ROR1: variants seen among roughly 807,000 people sequenced by gnomAD.
The protein encoded by ROR1 is inactive tyrosine-protein kinase transmembrane receptor ROR1.
In ROR1, 19 loss-of-function variants were observed where a neutral mutation model predicts 78.8. That is an observed-to-expected ratio of 0.24 (90% confidence interval 0.17 to 0.35). The LOEUF is 0.35. ROR1 is among the 10% of genes least tolerant of loss of function. The pLI is 1.00. For missense variants in ROR1, 917 were observed against 1,177.8 expected (o/e 0.78, Z 3.24); for synonymous variants, 386 against 433.6 (o/e 0.89, Z 1.36).
chr1:63,907,534 A>T (rs1375075157), intron 1 of ROR1, among the ~76,000 whole-genome samples: 1 of 152,230 alleles, frequency 6.6e-6, no homozygotes. Flanking sequence ...TGAGTAAGTC[A>T]GGCCATGTAG....
intron 1 of ROR1, among the ~76,000 whole-genome samples, chr1:63,922,265 C>T (rs855812): frequency 0.77 from 117,786 of 152,128 alleles, 45,990 homozygotes; most frequent in East Asian, 0.94. Flanking sequence ...GGAAGGTAGT[C>T]TGAATTATGA....
At chr1:63,992,936 T>G (rs779315439) in intron 1 of ROR1, among the ~76,000 whole-genome samples, 9 of 152,178 alleles carry the variant, frequency 5.9e-5, no homozygotes, top group African/African-American at 2.2e-4. Flanking sequence ...TAGGGTAGAT[T>G]CTGCATCTCT....
intron 4 of ROR1, among the ~76,000 whole-genome samples, chr1:64,115,429 T>C (rs1352085831): frequency 7.9e-5 from 12 of 151,904 alleles, no homozygotes; most frequent in Non-Finnish European, 1.8e-4. Flanking sequence ...GAGACAGGTC[T>C]TGTCTTATTG....
chr1:64,008,110 T>G (rs1646443990), intron 1 of ROR1, among the ~76,000 whole-genome samples: 1 of 152,160 alleles, frequency 6.6e-6, no homozygotes. Flanking sequence ...AGGTAGTTTT[T>G]CAACCCTTGC....
At chr1:64,112,828 A>G (rs1648162367) in intron 4 of ROR1, among the ~76,000 whole-genome samples, 1 of 152,156 alleles carries the variant, frequency 6.6e-6, no homozygotes, top group Non-Finnish European at 1.5e-5. Flanking sequence ...ACTGAAATTT[A>G]TCAGCCAACC....
intron 1 of ROR1, among the ~76,000 whole-genome samples, chr1:63,910,202 G>A (rs1474596935): frequency 6.6e-6 from 1 of 152,182 alleles, no homozygotes; most frequent in African/African-American, 2.4e-5. Flanking sequence ...TGATGAGGTG[G>A]TTGGTGAACT....
At chr1:63,780,335 G>C (rs948847801) in intron 1 of ROR1, among the ~76,000 whole-genome samples, 1 of 152,148 alleles carries the variant, frequency 6.6e-6, no homozygotes. Context: ...ATAGGGAATG[G>C]GGGTTTGAAT....
At chr1:63,873,105 G>A (rs1278801298) in intron 1 of ROR1, among the ~76,000 whole-genome samples, 1 of 151,942 alleles carries the variant, frequency 6.6e-6, no homozygotes, top group Non-Finnish European at 1.5e-5. Context: ...AATCGAGGTT[G>A]TAAGTGATGT....
At chr1:64,173,954 C>G (rs961506965) in intron 8 of ROR1, among the ~76,000 whole-genome samples, 1 of 152,136 alleles carries the variant, frequency 6.6e-6, no homozygotes, top group African/African-American at 2.4e-5. Context: ...AGCTCCAAAA[C>G]AAATTCCCTG....
At chr1:64,075,570 A>T (rs1298727531) in intron 4 of ROR1, among the ~76,000 whole-genome samples, 1 of 152,038 alleles carries the variant, frequency 6.6e-6, no homozygotes, top group Non-Finnish European at 1.5e-5. Flanking sequence ...TGTCCTATAC[A>T]TTTTCCCTGT....
At chr1:64,083,844 G>A (rs1647126918) in intron 4 of ROR1, among the ~76,000 whole-genome samples, 1 of 152,134 alleles carries the variant, frequency 6.6e-6, no homozygotes, top group African/African-American at 2.4e-5. Context: ...ATGAGATGGG[G>A]AAAATGTGTA....
chr1:63,849,121 G>A (rs562166376), intron 1 of ROR1, among the ~76,000 whole-genome samples: 2 of 152,246 alleles, frequency 1.3e-5, no homozygotes, highest in South Asian at 2.1e-4. Flanking sequence ...AAGTCTTTAC[G>A]GGTTTCTTTG....
intron 7 of ROR1, among the ~76,000 whole-genome samples, chr1:64,153,491 C>G (rs563531582): frequency 1.6e-4 from 25 of 152,266 alleles, no homozygotes; most frequent in African/African-American, 5.3e-4. Context: ...CCGTTTAAGG[C>G]AGAAGCAACC....
At chr1:63,918,511 G>A (rs74818023) in intron 1 of ROR1, among the ~76,000 whole-genome samples, 4,144 of 152,284 alleles carry the variant, frequency 0.027, 150 homozygotes, top group Admixed American at 0.12. Context: ...TCTCTAGAGC[G>A]TTTGTGACCC....
chr1:63,820,014 A>G (rs1161718817), intron 1 of ROR1, among the ~76,000 whole-genome samples: 3 of 152,246 alleles, frequency 2.0e-5, no homozygotes, highest in Admixed American at 2.0e-4. Context: ...GCAGGCATCA[A>G]GAAGCATGGT....
chr1:63,987,060 C>T (rs558576181), intron 1 of ROR1, among the ~76,000 whole-genome samples: 1 of 152,174 alleles, frequency 6.6e-6, no homozygotes, highest in African/African-American at 2.4e-5. Flanking sequence ...GCCTCAATTA[C>T]CCAGAATCCA....
chr1:63,936,798 T>TC (rs1645797754), intron 1 of ROR1, among the ~76,000 whole-genome samples: 1 of 152,192 alleles, frequency 6.6e-6, no homozygotes, highest in African/African-American at 2.4e-5. Flanking sequence ...GTTCTATGTA[T>TC]AAGAGTCCTC....
At chr1:64,048,235 C>T (rs1306675263) in intron 2 of ROR1, among the ~76,000 whole-genome samples, 2 of 152,186 alleles carry the variant, frequency 1.3e-5, no homozygotes, top group Non-Finnish European at 1.5e-5. Context: ...CCACATGTGG[C>T]TATTTAAATT....
At position 64,014,760 on chromosome 1, in the gene ROR1, A is replaced by ACGCACAC. The variant is rs1557609691; in HGVS notation, c.163+5384_163+5385insCGCACAC. Among the ~76,000 whole-genome samples the ACGCACAC allele has an allele frequency of 6.2e-4, 28 of 44,944 alleles. 4 individuals are homozygous for ACGCACAC. In the South Asian group the frequency reaches 0.015, roughly 25 times the overall value. 29.5% of individuals were successfully genotyped at this position (44,944 alleles called of 152,430 possible). ...GCACACTATATATATATATATATAT[A>ACGCACAC]TATATATATATATACACATTTTGTC... On this transcript the variant is annotated intron_variant, in intron 2 of 8. Coordinates refer to ENST00000371079, the MANE Select transcript of ROR1 (RefSeq NM_005012.4).
Sources: gnomAD v4.1 joint callset for allele counts (sites outside exome capture counted in the v4.1 genomes callset) on GRCh38, gnomAD v4.1.1 for gene constraint, MANE v1.5 for transcripts, NCBI Gene and HGNC (gene_info 2026-07-23, HGNC 2026-07-21) for gene names.